The following CNTN6 variants were observed in gnomAD, a reference collection of about 807,000 sequenced individuals.
The protein encoded by CNTN6 is contactin 6.
Under a neutral mutation model 122.8 loss-of-function variants are expected in CNTN6, and 137 were observed. The observed-to-expected ratio is 1.12, with a 90% confidence interval of 0.97 to 1.29. The LOEUF (loss-of-function observed/expected upper bound fraction) is 1.29, where lower values mean the gene tolerates loss of function less well. CNTN6 is among the 50% of genes most tolerant of loss of function. The pLI is 0.00. For missense variants in CNTN6, 1,634 were observed against 1,223.4 expected (o/e 1.34, Z -5.01); for synonymous variants, 570 against 426.0 (o/e 1.34, Z -4.16).
At chr3:1,313,307 A>G (rs1348995976) in intron 7 of CNTN6, among the ~76,000 whole-genome samples, 1 of 152,122 alleles carries the variant, frequency 6.6e-6, no homozygotes, top group Non-Finnish European at 1.5e-5. Flanking sequence ...ATTAGTATTC[A>G]TATTATTTAC....
chr3:1,222,889 T>C (rs928600384), intron 3 of CNTN6, among the ~76,000 whole-genome samples: 1 of 152,148 alleles, frequency 6.6e-6, no homozygotes, highest in Non-Finnish European at 1.5e-5. Flanking sequence ...CCAGTCGTTG[T>C]TCCCCTTACT....
intron 6 of CNTN6, 24 bp downstream of exon 6, chr3:1,295,828 A>G: frequency 6.2e-7 from 1 of 1,600,502 alleles, no homozygotes. Flanking sequence ...TTATCTTGGG[A>G]ATGTACTTTA....
chr3:1,254,971 C>T (rs1490600145), intron 4 of CNTN6, among the ~76,000 whole-genome samples: 3 of 151,992 alleles, frequency 2.0e-5, no homozygotes, highest in Non-Finnish European at 2.9e-5. Flanking sequence ...TATGCAGTTA[C>T]GTTAATCTTG....
chr3:1,382,754 G>A (rs1692103090), intron 17 of CNTN6, among the ~76,000 whole-genome samples, 188 bp from the exon 18 acceptor site: 1 of 151,052 alleles, frequency 6.6e-6, no homozygotes, highest in African/African-American at 2.4e-5. Flanking sequence ...CTATTTATCT[G>A]AGTATCTTTA....
intron 4 of CNTN6, among the ~76,000 whole-genome samples, chr3:1,260,293 G>A (rs976511244): frequency 5.3e-5 from 8 of 152,154 alleles, no homozygotes; most frequent in African/African-American, 9.6e-5. Context: ...TGTGGCTTCC[G>A]GATGGGGGTT....
intron 2 of CNTN6, among the ~76,000 whole-genome samples, chr3:1,172,701 C>T (rs1285450767): frequency 1.3e-5 from 2 of 151,750 alleles, no homozygotes; most frequent in African/African-American, 2.4e-5. Flanking sequence ...AGTCATCTCA[C>T]CAAAATCCGG....
chr3:1,355,055 T>C (rs1575832283), intron 12 of CNTN6, among the ~76,000 whole-genome samples: 2 of 151,738 alleles, frequency 1.3e-5, no homozygotes, highest in East Asian at 3.9e-4. Flanking sequence ...GATGTCACTA[T>C]GCCTGATTAT....
chr3:1,366,398 C>T (rs1228142251), intron 12 of CNTN6, among the ~76,000 whole-genome samples: 1 of 152,046 alleles, frequency 6.6e-6, no homozygotes, highest in Admixed American at 6.5e-5. Flanking sequence ...GTTTCAGTGT[C>T]GATGAGCCTC....
At chr3:1,337,203 T>C (rs892983115) in intron 11 of CNTN6, among the ~76,000 whole-genome samples, 2 of 152,170 alleles carry the variant, frequency 1.3e-5, no homozygotes, top group African/African-American at 4.8e-5. Flanking sequence ...GCCCAATACT[T>C]AGCTATCATT....
intron 4 of CNTN6, among the ~76,000 whole-genome samples, chr3:1,257,994 A>G (rs1423194926): frequency 6.6e-6 from 1 of 152,144 alleles, no homozygotes; most frequent in Non-Finnish European, 1.5e-5. Flanking sequence ...TATCAATTTC[A>G]TTTTAACCTG....
intron 1 of CNTN6, among the ~76,000 whole-genome samples, chr3:1,140,475 A>G (rs896328521): frequency 2.6e-5 from 4 of 152,174 alleles, no homozygotes; most frequent in African/African-American, 9.6e-5. Context: ...GCAACTACTT[A>G]TCTCCTCTAG....
intron 4 of CNTN6, among the ~76,000 whole-genome samples, chr3:1,272,613 G>A (rs960544962): frequency 2.6e-5 from 4 of 152,080 alleles, no homozygotes; most frequent in African/African-American, 4.8e-5. Flanking sequence ...CATTTTTCTG[G>A]TGAATATTTT....
At chr3:1,274,519 T>C (rs1691962782) in intron 4 of CNTN6, among the ~76,000 whole-genome samples, 1 of 152,158 alleles carries the variant, frequency 6.6e-6, no homozygotes, top group Non-Finnish European at 1.5e-5. Flanking sequence ...GTATAGAAAA[T>C]ATAAGACTTT....
chr3:1,387,259 T>C (rs889504246), intron 20 of CNTN6, among the ~76,000 whole-genome samples: 1 of 152,224 alleles, frequency 6.6e-6, no homozygotes, highest in African/African-American at 2.4e-5. Context: ...GAACCAAATT[T>C]CCTCCAGTCC....
chr3:1,150,430 T>C (rs556057135), intron 2 of CNTN6, among the ~76,000 whole-genome samples: 1 of 152,306 alleles, frequency 6.6e-6, no homozygotes, highest in East Asian at 1.9e-4. Flanking sequence ...TAAAATTTTT[T>C]GACAACCTCT....
chr3:1,304,596 A>C (rs1248760862), intron 7 of CNTN6, among the ~76,000 whole-genome samples: 1 of 152,196 alleles, frequency 6.6e-6, no homozygotes, highest in Non-Finnish European at 1.5e-5. Flanking sequence ...CAAAATGTTA[A>C]AAAATGCTTT....
chr3:1,390,668 C>CTAAT (rs1191370402), intron 20 of CNTN6, among the ~76,000 whole-genome samples: 3 of 151,876 alleles, frequency 2.0e-5, no homozygotes, highest in African/African-American at 7.3e-5. Flanking sequence ...GCTAGCAAGA[C>CTAAT]TAATAAAGAA....
intron 1 of CNTN6, among the ~76,000 whole-genome samples, chr3:1,134,686 T>TTTTTGTTTTG (rs372317721): frequency 6.6e-6 from 1 of 152,024 alleles, no homozygotes. Context: ...TTTTTTTTGT[T>TTTTTGTTTTG]TTTTGTTTTG....
At chr3:1,329,626 G>C (rs1168608949) in intron 10 of CNTN6, among the ~76,000 whole-genome samples, 159 bp from the exon 11 acceptor site, 1 of 151,774 alleles carries the variant, frequency 6.6e-6, no homozygotes, top group Non-Finnish European at 1.5e-5. Context: ...ACTCTAAAAT[G>C]TTAAGTCAGT....
Sources: gnomAD v4.1 joint callset for allele counts (sites outside exome capture counted in the v4.1 genomes callset) on GRCh38, gnomAD v4.1.1 for gene constraint, MANE v1.5 for transcripts, NCBI Gene and HGNC (gene_info 2026-07-23, HGNC 2026-07-21) for gene names.